Variants in MAML3 observed in about 807,000 individuals in gnomAD.
MAML3 encodes the protein mastermind like transcriptional coactivator 3.
In MAML3, 27 loss-of-function variants were observed where a neutral mutation model predicts 101.9. The ratio of observed to expected loss-of-function variants is 0.27; its 90% CI spans 0.20 to 0.37. MAML3 has a LOEUF of 0.37. Ranked by LOEUF, MAML3 falls within the 10% of genes least tolerant of loss-of-function variation. The pLI is 1.00. For missense variants in MAML3, 1,316 were observed against 1,444.9 expected (o/e 0.91, Z 1.45); for synonymous variants, 501 against 555.9 (o/e 0.90, Z 1.39).
rs181015031 is a variant in MAML3 at position 139,910,694 on chromosome 4, T to G, written c.469-19727A>C. Among the ~76,000 whole-genome samples the G allele has an allele frequency of 8.9e-4, 136 of 152,218 alleles. 1 individual carries two copies. The highest frequency in any genetic ancestry group is 2.7e-3 in the African/African-American group (111 of 41,538). ...CTTGTTGCAAGAAGGAAAAAAGGCA[T>G]CATAGGTTGTATGTCATGAGGTGAA... On this transcript the variant is annotated intron_variant, in intron 1 of 4. Transcript: ENST00000509479.
intron 1 of MAML3, among the ~76,000 whole-genome samples, chr4:140,081,152 G>A (rs1000608954): frequency 6.6e-6 from 1 of 151,856 alleles, no homozygotes; most frequent in African/African-American, 2.4e-5. Flanking sequence ...AATATTTTAG[G>A]CTTCCTCTGC....
At position 140,076,498 on chromosome 4, in the gene MAML3, A is replaced by G. The variant is rs541649041; in HGVS notation, c.468+76362T>C. ...AAAAACTCTCCTCCATCCTGTACTG[A>G]CTCTGCAGTTTTCTCCTGTCTCTTC... On this transcript the variant is annotated intron_variant, in intron 1 of 4. Transcript: ENST00000509479. Among the ~76,000 whole-genome samples the G allele has an allele frequency of 1.1e-4, 17 of 152,058 alleles. No homozygotes were observed. The South Asian group carries it at 3.3e-3, about 30-fold the overall frequency.
At chr4:139,797,936 T>C (rs1578606207) in intron 2 of MAML3, among the ~76,000 whole-genome samples, 1 of 151,496 alleles carries the variant, frequency 6.6e-6, no homozygotes, top group Non-Finnish European at 1.5e-5. Flanking sequence ...TGTATATGTA[T>C]ATATAAAAAA....
chr4:139,952,649 T>A (rs1366454181), intron 1 of MAML3, among the ~76,000 whole-genome samples: 1 of 152,196 alleles, frequency 6.6e-6, no homozygotes, highest in Admixed American at 6.5e-5. Flanking sequence ...CCCTTTCAGC[T>A]GTGTAAATTT....
In MAML3 at chr4:139,768,602, T is replaced by G. The variant is rs556752810; in HGVS notation, c.2080-37935A>C. Among the ~76,000 whole-genome samples the G allele has an allele frequency of 3.2e-4, 48 of 152,368 alleles. No individual in the cohort carries two copies. The East Asian group carries it at 3.5e-3, about 11-fold the overall frequency. ...CAATAGCAATGTAACACCAGATGTT[T>G]AAACTGTTCTACTAATGTTCAGGAA... On this transcript the variant is annotated intron_variant, in intron 2 of 4. Transcript: ENST00000509479.
intron 1 of MAML3, among the ~76,000 whole-genome samples, chr4:139,948,967 GCCTT>G (rs1733784063): frequency 6.6e-6 from 1 of 152,066 alleles, no homozygotes; most frequent in Non-Finnish European, 1.5e-5. Context: ...CAGCCTCTAC[GCCTT>G]ATTGACATGC....
intron 1 of MAML3, among the ~76,000 whole-genome samples, chr4:139,934,192 ATG>A (rs553781108): frequency 2.6e-5 from 4 of 151,290 alleles, no homozygotes; most frequent in African/African-American, 7.3e-5. Context: ...GTGTGTGTGA[ATG>A]TGTGTGTCTG....
intron 1 of MAML3, among the ~76,000 whole-genome samples, chr4:140,129,369 G>A (rs1244851597): frequency 6.6e-6 from 1 of 152,158 alleles, no homozygotes; most frequent in East Asian, 1.9e-4. Flanking sequence ...TACAAAGAAG[G>A]TGACTCTAAA....
At chr4:140,150,756 G>A (rs577894535) in intron 1 of MAML3, among the ~76,000 whole-genome samples, 12 of 152,214 alleles carry the variant, frequency 7.9e-5, no homozygotes, top group Admixed American at 5.2e-4. Flanking sequence ...AGGGCGCTAG[G>A]GGGGCGGGGG....
intron 1 of MAML3, among the ~76,000 whole-genome samples, chr4:140,019,975 C>T (rs1467718336): frequency 2.6e-5 from 4 of 152,182 alleles, no homozygotes; most frequent in African/African-American, 9.7e-5. Flanking sequence ...AATCTTGGAA[C>T]ACCAGTTCTG....
chr4:140,105,229 T>C (rs913668943), intron 1 of MAML3, among the ~76,000 whole-genome samples: 2 of 152,254 alleles, frequency 1.3e-5, no homozygotes, highest in African/African-American at 4.8e-5. Context: ...AGTCCTTTTG[T>C]GCTAGTGCAC....
chr4:139,889,276 G>A, intron 2 of MAML3, 81 bp downstream of exon 2: 7 of 1,611,314 alleles, frequency 4.3e-6, no homozygotes, highest in Non-Finnish European at 5.9e-6. Context: ...CACTACAGTG[G>A]AAGCTTGTAG....
Position 139,997,335 on chromosome 4 carries a change from T to C in MAML3, c.469-106368A>G, listed in dbSNP as rs146882481. On this transcript the variant is annotated intron_variant, in intron 1 of 4. Coordinates refer to ENST00000509479, the MANE Select transcript of MAML3 (RefSeq NM_018717.5). Reference sequence around the variant, plus strand: ...TTTACTAATTTTTGAGTTATTTTCTTCATGGTTACTCTGAAAGTTACAATA... The same window carrying C: ...TTTACTAATTTTTGAGTTATTTTCTCCATGGTTACTCTGAAAGTTACAATA... Among the ~76,000 whole-genome samples the C allele has an allele frequency of 6.5e-3, 989 of 152,006 alleles. 12 individuals carry two copies. Among genetic ancestry groups the C allele is most frequent in the African/African-American group, 0.023 (942 of 41,510 alleles).
At chr4:139,804,027 C>T (rs989497779) in intron 2 of MAML3, among the ~76,000 whole-genome samples, 31 of 152,138 alleles carry the variant, frequency 2.0e-4, no homozygotes, top group African/African-American at 7.5e-4. Flanking sequence ...AGCTGGGGAT[C>T]GGCAGACCCA....
At position 139,871,372 on chromosome 4, in the gene MAML3, GT is replaced by G. The variant is rs571696751; in HGVS notation, c.2079+17984del. ...TGCCAGGAACCAATGGCCATCCTCA[GT>G]TTTTTTTAAGTATGGAGGTTTGGAA... On this transcript the variant is annotated intron_variant, in intron 2 of 4. Coordinates refer to ENST00000509479, the MANE Select transcript of MAML3 (RefSeq NM_018717.5). Among the ~76,000 whole-genome samples, 469 of 152,138 alleles carry G rather than the reference GT, an allele frequency of 3.1e-3. 4 individuals are homozygous for G. The highest frequency in any genetic ancestry group is 5.3e-3 in the Non-Finnish European group (359 of 67,996).
At chr4:140,092,844 C>G (rs1014012952) in intron 1 of MAML3, among the ~76,000 whole-genome samples, 4 of 134,214 alleles carry the variant, frequency 3.0e-5, no homozygotes, top group African/African-American at 1.1e-4. Flanking sequence ...TGTGCTGTGC[C>G]TGGCTGTACA....
At chr4:139,750,275 A>C (rs1344650064) in intron 2 of MAML3, among the ~76,000 whole-genome samples, 5 of 152,192 alleles carry the variant, frequency 3.3e-5, no homozygotes, top group Non-Finnish European at 7.4e-5. Context: ...CCTAGGTGGC[A>C]TTAGAAACTT....
intron 2 of MAML3, among the ~76,000 whole-genome samples, chr4:139,865,247 A>C (rs1201267081): frequency 1.3e-5 from 2 of 152,128 alleles, no homozygotes; most frequent in Non-Finnish European, 2.9e-5. Flanking sequence ...GGAGAATCAA[A>C]ATTAACCTTC....
chr4:139,978,652 GCATTCACAA>G lies in MAML3; in HGVS notation c.469-87694_469-87686del, dbSNP rs534398588. 5.5e-5 allele frequency among the ~76,000 whole-genome samples: 8 copies of G among 145,802 alleles called. No individual in the cohort carries two copies. In the South Asian group the frequency reaches 1.8e-3, roughly 33 times the overall value. ...GAGAGAGAGCACACAACTGCGCTAG[GCATTCACAA>G]CATTCTCTTCCTTCAGGGGCTCCAA... On this transcript the variant is annotated intron_variant, in intron 1 of 4. Transcript: ENST00000509479.
Sources: allele counts gnomAD v4.1 joint callset (sites outside exome capture counted in the v4.1 genomes callset), GRCh38; gene constraint gnomAD v4.1.1; transcripts MANE v1.5; gene names NCBI Gene and HGNC (gene_info 2026-07-23, HGNC 2026-07-21).